The following UNC80 variants were observed in gnomAD, a reference collection of about 807,000 sequenced individuals.
UNC80 encodes the protein protein unc-80 homolog.
Under a neutral mutation model 384.6 loss-of-function variants are expected in UNC80, and 164 were observed. The observed-to-expected ratio is 0.43, with a 90% CI of 0.38 to 0.49. UNC80 has a LOEUF of 0.49. UNC80 is among the 20% of genes least tolerant of loss of function. The pLI, the probability that UNC80 is intolerant of heterozygous loss-of-function variation, is 0.00. For synonymous variants in UNC80, 1,486 were observed against 1,527.8 expected, an observed-to-expected ratio of 0.97 and a Z score of 0.64; for missense variants, 3,330 against 4,143.0, an observed-to-expected ratio of 0.80 and a Z score of 5.39.
At chr2:209,860,116 C>T (rs1396547404) in intron 22 of UNC80, among the ~76,000 whole-genome samples, 1 of 152,086 alleles carries the variant, frequency 6.6e-6, no homozygotes, top group Non-Finnish European at 1.5e-5. Context: ...AGCCTGTGTC[C>T]TGAATGGTAT....
At chr2:209,854,682 A>G (rs1226180255) in intron 22 of UNC80, among the ~76,000 whole-genome samples, 1 of 152,222 alleles carries the variant, frequency 6.6e-6, no homozygotes, top group Non-Finnish European at 1.5e-5. Flanking sequence ...TGGCCAATAA[A>G]CAAATGAAAA....
intron 7 of UNC80, among the ~76,000 whole-genome samples, chr2:209,811,270 C>A (rs971358037): frequency 1.3e-5 from 2 of 152,046 alleles, no homozygotes; most frequent in Non-Finnish European, 2.9e-5. Flanking sequence ...CACACCAGGG[C>A]AAGCATAATA....
At chr2:209,809,957 T>A (rs2079210481) in intron 7 of UNC80, among the ~76,000 whole-genome samples, 1 of 152,074 alleles carries the variant, frequency 6.6e-6, no homozygotes, top group Non-Finnish European at 1.5e-5. Flanking sequence ...ACAGACAGTG[T>A]CCACCCCAGT....
chr2:209,942,074 G>A (rs536401993), intron 44 of UNC80, among the ~76,000 whole-genome samples: 370 of 152,256 alleles, frequency 2.4e-3, no homozygotes, highest in Non-Finnish European at 3.7e-3. Context: ...CCGGGCCAGG[G>A]ACCAGTACTG....
intron 42 of UNC80, among the ~76,000 whole-genome samples, chr2:209,939,151 T>C (rs952248265): frequency 6.6e-6 from 1 of 152,198 alleles, no homozygotes; most frequent in South Asian, 2.1e-4. Context: ...TCTTCCATAT[T>C]ATAGCATCCA....
At chr2:209,791,033 G>A (rs1028733450) in intron 6 of UNC80, among the ~76,000 whole-genome samples, 3 of 151,814 alleles carry the variant, frequency 2.0e-5, no homozygotes, top group Non-Finnish European at 2.9e-5. Flanking sequence ...TAATCCTCTC[G>A]ATTTGATTTC....
At chr2:209,808,151 T>C (rs184410493) in intron 7 of UNC80, among the ~76,000 whole-genome samples, 1 of 152,326 alleles carries the variant, frequency 6.6e-6, no homozygotes, top group Admixed American at 6.5e-5. Flanking sequence ...AGTTGGTAAT[T>C]ACTTTCAAAC....
chr2:209,858,871 G>A lies in UNC80; in HGVS notation c.3627+9248G>A, dbSNP rs2083142424. Among the ~76,000 whole-genome samples the A allele has an allele frequency of 2.0e-5, 3 of 151,542 alleles. No individual in the cohort carries two copies. In the South Asian group the frequency reaches 6.3e-4, roughly 32 times the overall value. On this transcript the variant is annotated intron_variant, in intron 22 of 64. Transcript: ENST00000673920. ...TACACTTTTTATTTTTTCATTGTGTGTGCATGTGTGTGTTTGTTTCAATTT... is the reference window on the plus strand; with the variant it reads ...TACACTTTTTATTTTTTCATTGTGTATGCATGTGTGTGTTTGTTTCAATTT...
Position 209,917,965 on chromosome 2 carries a change from G to A in UNC80, c.5211+7G>A. On this transcript the variant is annotated splice_region_variant and intron_variant, in intron 32 of 64. Coordinates refer to ENST00000673920, the MANE Select transcript of UNC80 (RefSeq NM_001371986.1). Reference sequence around the variant, plus strand: ...GGCACAGCAGATTTTTAAGGTGAGGGATACTTCTCACAGAGGAGTTACATT... The same window carrying A: ...GGCACAGCAGATTTTTAAGGTGAGGAATACTTCTCACAGAGGAGTTACATT... 1 of 1,551,216 alleles carries A rather than the reference G, an allele frequency of 6.4e-7. No homozygotes were observed. Among genetic ancestry groups the A allele is most frequent in the Middle Eastern group, 1.7e-4 (1 of 5,990 alleles).
chr2:209,996,897 C>A lies in UNC80; in HGVS notation c.*1302C>A, dbSNP rs565595939. The A allele has an allele frequency of 6.6e-6, 1 of 151,592 alleles. No individual in the cohort carries two copies. The highest frequency in any genetic ancestry group is 1.5e-5 in the Non-Finnish European group (1 of 67,840). The allele number at this position is 151,592 out of a possible 1,614,324, so 9.4% of individuals were successfully genotyped here. A position where few individuals can be genotyped will look rare whatever the true frequency, so the allele number is the denominator to read the frequency against. ...TGGTACGGTGGTGTATGTGTGCGTG[C>A]GTGTGTGTGTGTATGTGTTGTAGTC... On this transcript the variant is annotated 3_prime_UTR_variant, in exon 65 of 65. Transcript: ENST00000673920.
At chr2:209,909,455 G>A (rs138878964) in intron 29 of UNC80, among the ~76,000 whole-genome samples, 1 of 152,184 alleles carries the variant, frequency 6.6e-6, no homozygotes, top group East Asian at 1.9e-4. Context: ...GCTTCTTTCC[G>A]CATCATCTCC....
At chr2:209,896,241 A>G in intron 27 of UNC80, 72 bp from the exon 28 acceptor site, 1 of 1,348,998 alleles carries the variant, frequency 7.4e-7, no homozygotes, top group Non-Finnish European at 1.0e-6. Flanking sequence ...AAGCATGGAC[A>G]ACTGTACCAT....
chr2:209,993,469 T>C, intron 63 of UNC80, 43 bp downstream of exon 63: 3 of 1,509,294 alleles, frequency 2.0e-6, no homozygotes, highest in Non-Finnish European at 2.7e-6. Flanking sequence ...ATTGACATGA[T>C]GCCATGCAAC....
chr2:209,980,074 A>G (rs1376456851), intron 59 of UNC80, among the ~76,000 whole-genome samples: 1 of 152,202 alleles, frequency 6.6e-6, no homozygotes, highest in African/African-American at 2.4e-5. Context: ...CTATAGACAC[A>G]TTTCTGTCTA....
chr2:209,866,718 T>C (rs2083861156), intron 22 of UNC80, among the ~76,000 whole-genome samples: 1 of 152,232 alleles, frequency 6.6e-6, no homozygotes, highest in South Asian at 2.1e-4. Flanking sequence ...AAATTCTATT[T>C]AAATTTTGTT....
In UNC80 at chr2:209,969,299, A is replaced by G. The variant is rs77204504; in HGVS notation, c.8007-469A>G. On this transcript the variant is annotated intron_variant, in intron 52 of 64. Transcript: ENST00000673920. ...AGAAAGAACATTGTTTAAATAAACT[A>G]TTTTCTTCTAATGTGATCTTCTTGG... 1,505 of 154,376 alleles carry G rather than the reference A, an allele frequency of 9.7e-3. 7 individuals are homozygous for G. Among genetic ancestry groups the G allele is most frequent in the Middle Eastern group, 0.03 (9 of 302 alleles). The allele number at this position is 154,376 out of a possible 1,614,324, so 9.6% of individuals were successfully genotyped here.
At chr2:209,994,976 T>C (rs2093459033) in intron 64 of UNC80, among the ~76,000 whole-genome samples, 1 of 152,144 alleles carries the variant, frequency 6.6e-6, no homozygotes, top group Admixed American at 6.5e-5. Context: ...ATTCTTAGAG[T>C]GTCAGATTCT....
Position 209,997,447 on chromosome 2 carries a change from G to C in UNC80, c.*1852G>C, listed in dbSNP as rs965574771. Reference sequence around the variant, plus strand: ...AATTACAAGTGTCTGGGCTATTGGCGCGTCTCTATATATGTGTGTGCTTTG... The same window carrying C: ...AATTACAAGTGTCTGGGCTATTGGCCCGTCTCTATATATGTGTGTGCTTTG... On this transcript the variant is annotated 3_prime_UTR_variant, in exon 65 of 65. Coordinates refer to ENST00000673920, the MANE Select transcript of UNC80 (RefSeq NM_001371986.1). The C allele has an allele frequency of 6.6e-6, 1 of 152,098 alleles. No individual in the cohort carries two copies. Among genetic ancestry groups the C allele is most frequent in the Admixed American group, 6.5e-5 (1 of 15,274 alleles). The allele number at this position is 152,098 out of a possible 1,614,324, so 9.4% of individuals were successfully genotyped here.
In UNC80 at chr2:209,912,658, C is replaced by T. The variant is rs1335343074; in HGVS notation, c.4881C>T (p.Ile1627=). 1 of 1,547,178 alleles carries T rather than the reference C, an allele frequency of 6.5e-7. No individual in the cohort carries two copies. The highest frequency in any genetic ancestry group is 8.7e-7 in the Non-Finnish European group (1 of 1,143,394). The change falls in exon 30 of 65, where the codon ATC becomes ATT. Residue 1627 remains isoleucine, a synonymous_variant. Transcript: ENST00000673920. Reference sequence around the variant, plus strand: ...AAGATTCCGGAATGCTGAAGTACATCAGACTTCAGGTATTGTTACCTGGAT... The same window carrying T: ...AAGATTCCGGAATGCTGAAGTACATTAGACTTCAGGTATTGTTACCTGGAT... ...GKKDSGMLKY[I]RLQVMSLSPA...
Sources: gnomAD v4.1 joint callset for allele counts (sites outside exome capture counted in the v4.1 genomes callset) on GRCh38, gnomAD v4.1.1 for gene constraint, MANE v1.5 for transcripts, NCBI Gene and HGNC (gene_info 2026-07-23, HGNC 2026-07-21) for gene names.